The following SLCO6A1 variants were observed in gnomAD, a reference collection of about 807,000 sequenced individuals.
The protein encoded by SLCO6A1 is cancer/testis antigen 48.
In SLCO6A1, 65 loss-of-function variants were observed where a neutral mutation model predicts 72.7. That is an observed-to-expected ratio of 0.89 (90% confidence interval 0.73 to 1.10). SLCO6A1 has a LOEUF of 1.10. SLCO6A1 is among the 50% of genes least tolerant of loss of function. The probability of loss-of-function intolerance (pLI) is 0.00; values close to 1 mark genes in which losing one functional copy is unlikely to be tolerated. For synonymous variants in SLCO6A1, 314 were observed against 298.2 expected (o/e 1.05, Z -0.55); for missense variants, 874 against 872.6 (o/e 1.00, Z -0.02).
chr5:102,479,155 C>G (rs961745725), intron 2 of SLCO6A1, among the ~76,000 whole-genome samples: 3 of 152,078 alleles, frequency 2.0e-5, no homozygotes, highest in African/African-American at 7.2e-5. Flanking sequence ...CAGATTTCCC[C>G]CTTGCTGTTC....
chr5:102,464,538 A>C (rs1176374020), intron 4 of SLCO6A1, among the ~76,000 whole-genome samples: 1 of 152,210 alleles, frequency 6.6e-6, no homozygotes, highest in Non-Finnish European at 1.5e-5. Context: ...AAGTGACATA[A>C]GGAAAGTTTA....
At chr5:102,441,637 A>C (rs548434712) in intron 6 of SLCO6A1, among the ~76,000 whole-genome samples, 2 of 152,240 alleles carry the variant, frequency 1.3e-5, no homozygotes, top group African/African-American at 4.8e-5. Flanking sequence ...AGATTATTTA[A>C]GAAAAAACTA....
rs1750647924 is a variant in SLCO6A1 at position 102,371,969 on chromosome 5, A to C, written c.*170T>G. 1 of 152,056 alleles carries C rather than the reference A, an allele frequency of 6.6e-6. No individual in the cohort carries two copies. The highest frequency in any genetic ancestry group is 2.1e-4 in the South Asian group (1 of 4,834). The allele number at this position is 152,056 out of a possible 1,614,324, so 9.4% of individuals were successfully genotyped here. A position where few individuals can be genotyped will look rare whatever the true frequency, so the allele number is the denominator to read the frequency against. The stretch of plus-strand genomic sequence containing the variant: ...ATGTTTCACAATAGGACACTTTATT[A>C]TGAAAATGCAGATCACCATAAATAT... On this transcript the variant is annotated 3_prime_UTR_variant, in exon 14 of 14. Coordinates refer to ENST00000506729, the MANE Select transcript of SLCO6A1 (RefSeq NM_173488.5).
intron 12 of SLCO6A1, among the ~76,000 whole-genome samples, chr5:102,387,016 C>T (rs1167172490): frequency 6.6e-6 from 1 of 152,138 alleles, no homozygotes; most frequent in African/African-American, 2.4e-5. Flanking sequence ...CTTCCATGTG[C>T]TATATTCTTT....
intron 9 of SLCO6A1, among the ~76,000 whole-genome samples, chr5:102,405,978 A>G (rs529818734): frequency 2.0e-4 from 31 of 152,214 alleles, no homozygotes; most frequent in African/African-American, 7.2e-4. Flanking sequence ...TATTAATTCT[A>G]AATAGACTGT....
chr5:102,404,493 G>C (rs909947149), intron 9 of SLCO6A1, among the ~76,000 whole-genome samples: 1 of 152,060 alleles, frequency 6.6e-6, no homozygotes, highest in Non-Finnish European at 1.5e-5. Context: ...GTGATGGAGA[G>C]AGACTCTGTC....
At chr5:102,392,937 A>T (rs1227069236) in intron 10 of SLCO6A1, among the ~76,000 whole-genome samples, 1 of 152,134 alleles carries the variant, frequency 6.6e-6, no homozygotes, top group Non-Finnish European at 1.5e-5. Flanking sequence ...CCGTTTCAAA[A>T]TAAAAAAACA....
intron 1 of SLCO6A1, among the ~76,000 whole-genome samples, chr5:102,490,670 CT>C: frequency 6.6e-6 from 1 of 152,226 alleles, no homozygotes; most frequent in Middle Eastern, 3.4e-3. Flanking sequence ...GGTTCGTGGT[CT>C]CCCTGGCTCA....
intron 12 of SLCO6A1, among the ~76,000 whole-genome samples, chr5:102,379,152 G>A (rs754023696): frequency 1.1e-4 from 16 of 151,934 alleles, no homozygotes; most frequent in Non-Finnish European, 2.1e-4. Flanking sequence ...CCACTTTTTT[G>A]TAAGGTTATC....
intron 6 of SLCO6A1, among the ~76,000 whole-genome samples, chr5:102,450,628 CT>C (rs1461180165): frequency 6.6e-6 from 1 of 152,218 alleles, no homozygotes; most frequent in Non-Finnish European, 1.5e-5. Context: ...AAGCTGATGC[CT>C]TTTCTTCCCT....
chr5:102,489,032 A>T (rs1752561184), intron 1 of SLCO6A1, among the ~76,000 whole-genome samples: 1 of 152,158 alleles, frequency 6.6e-6, no homozygotes, highest in South Asian at 2.1e-4. Context: ...AGAAGCATAA[A>T]AGTTAGAGTC....
chr5:102,433,259 TTCAG>T (rs1361521531), intron 7 of SLCO6A1, among the ~76,000 whole-genome samples: 1 of 152,210 alleles, frequency 6.6e-6, no homozygotes, highest in African/African-American at 2.4e-5. Context: ...TGAATTCTAT[TTCAG>T]TCACTTCAGC....
chr5:102,486,566 C>T (rs1279639896), intron 1 of SLCO6A1, among the ~76,000 whole-genome samples: 3 of 151,994 alleles, frequency 2.0e-5, no homozygotes, highest in African/African-American at 7.2e-5. Context: ...TTTGTGAAGT[C>T]TATTGTTTCC....
intron 6 of SLCO6A1, among the ~76,000 whole-genome samples, chr5:102,439,690 C>G (rs2400796): frequency 6.6e-6 from 1 of 151,860 alleles, no homozygotes; most frequent in Non-Finnish European, 1.5e-5. Context: ...CTTTAAGGTC[C>G]AGTGATAGAG....
chr5:102,464,595 A>T (rs1308872659), intron 4 of SLCO6A1, among the ~76,000 whole-genome samples: 3 of 152,182 alleles, frequency 2.0e-5, no homozygotes, highest in Non-Finnish European at 4.4e-5. Context: ...TTGCAACAGA[A>T]GAGAGCCATT....
At chr5:102,414,907 GTAAATAAATAAA>G (rs201675961) in intron 8 of SLCO6A1, among the ~76,000 whole-genome samples, 2 of 60,126 alleles carry the variant, frequency 3.3e-5, no homozygotes, top group South Asian at 1.4e-3. Context: ...AAGTAAGTAA[GTAAATAAATAAA>G]TAAATAAATA....
At chr5:102,467,770 C>G (rs1747944200) in intron 4 of SLCO6A1, among the ~76,000 whole-genome samples, 1 of 152,000 alleles carries the variant, frequency 6.6e-6, no homozygotes, top group South Asian at 2.1e-4. Context: ...TTTTGTTTAT[C>G]TTTTCAAAGA....
intron 11 of SLCO6A1, among the ~76,000 whole-genome samples, chr5:102,389,787 A>G (rs572843476): frequency 1.5e-4 from 23 of 152,090 alleles, no homozygotes; most frequent in African/African-American, 5.5e-4. Flanking sequence ...CCTAGAATCC[A>G]CTTTAATATA....
chr5:102,422,714 CAGG>C (rs1156513974), intron 7 of SLCO6A1, among the ~76,000 whole-genome samples: 6 of 152,052 alleles, frequency 3.9e-5, no homozygotes, highest in Admixed American at 6.6e-5. Context: ...GGATATTATC[CAGG>C]AGAACTTCCC....
Sources: gnomAD v4.1 joint callset for allele counts (sites outside exome capture counted in the v4.1 genomes callset) on GRCh38, gnomAD v4.1.1 for gene constraint, MANE v1.5 for transcripts, NCBI Gene and HGNC (gene_info 2026-07-23, HGNC 2026-07-21) for gene names.